PITPNM2: variants seen among roughly 807,000 people sequenced by gnomAD.
PITPNM2 encodes phosphatidylinositol transfer protein membrane associated 2.
Under a neutral mutation model 132.2 loss-of-function variants are expected in PITPNM2, and 35 were observed. The observed-to-expected ratio is 0.26, with a 90% CI of 0.20 to 0.35. The LOEUF (loss-of-function observed/expected upper bound fraction) is 0.35. PITPNM2 is among the 10% of genes least tolerant of loss of function. PITPNM2 has a pLI of 1.00. For synonymous variants in PITPNM2, 738 were observed against 799.2 expected, an observed-to-expected ratio of 0.92 and a Z score of 1.29; for missense variants, 1,332 against 1,912.0, an observed-to-expected ratio of 0.70 and a Z score of 5.66.
intron 2 of PITPNM2, among the ~76,000 whole-genome samples, chr12:123,063,429 G>T (rs2041313772): frequency 6.6e-6 from 1 of 152,210 alleles, no homozygotes; most frequent in African/African-American, 2.4e-5. Flanking sequence ...AGCCCCCAGG[G>T]CTTGGCACAC....
intron 2 of PITPNM2, among the ~76,000 whole-genome samples, chr12:123,066,573 C>T (rs1367231913): frequency 6.6e-6 from 1 of 152,162 alleles, no homozygotes; most frequent in African/African-American, 2.4e-5. Flanking sequence ...GACAGACAGA[C>T]TCCTCTCTGC....
intron 1 of PITPNM2, among the ~76,000 whole-genome samples, chr12:123,119,450 C>G (rs1446265273): frequency 6.6e-6 from 1 of 151,444 alleles, no homozygotes; most frequent in Non-Finnish European, 1.5e-5. Context: ...CTCCGCCTCC[C>G]AGCTTCACAA....
chr12:123,054,346 G>A (rs1221263607), intron 2 of PITPNM2, among the ~76,000 whole-genome samples: 1 of 152,172 alleles, frequency 6.6e-6, no homozygotes, highest in African/African-American at 2.4e-5. Context: ...AAAGGCATTT[G>A]TTTGCCTGCA....
chr12:123,071,260 T>C (rs1414852283), intron 2 of PITPNM2, among the ~76,000 whole-genome samples: 2 of 152,214 alleles, frequency 1.3e-5, no homozygotes, highest in Non-Finnish European at 2.9e-5. Context: ...TTCCAGCCCC[T>C]GCTCTTTCTG....
At chr12:123,134,834 G>C (rs891605524) in intron 1 of PITPNM2, among the ~76,000 whole-genome samples, 2 of 152,106 alleles carry the variant, frequency 1.3e-5, no homozygotes, top group East Asian at 1.9e-4. Flanking sequence ...GAGGAAATAA[G>C]GCCTCTGCGG....
At chr12:122,991,149 A>G (rs2038169402) in intron 16 of PITPNM2, among the ~76,000 whole-genome samples, 2 of 152,218 alleles carry the variant, frequency 1.3e-5, no homozygotes, top group Admixed American at 1.3e-4. Flanking sequence ...TGCCCTGCAC[A>G]TGCAGAGCAC....
intron 1 of PITPNM2, among the ~76,000 whole-genome samples, chr12:123,148,944 C>T (rs980562137): frequency 6.6e-6 from 1 of 152,076 alleles, no homozygotes; most frequent in African/African-American, 2.4e-5. Flanking sequence ...GGCATGGGAG[C>T]ACCATGCCTT....
At position 123,005,922 on chromosome 12, in the gene PITPNM2, A is replaced by T. The variant is rs1482900358; in HGVS notation, c.644-374T>A. 2 of 194,488 alleles carry T rather than the reference A, an allele frequency of 1.0e-5. No homozygotes were observed. The highest frequency in any genetic ancestry group is 4.8e-5 in the African/African-American group (2 of 41,742). 12.0% of individuals were successfully genotyped at this position (194,488 alleles called of 1,614,324 possible). A position where few individuals can be genotyped will look rare whatever the true frequency, so the allele number is the denominator to read the frequency against. ...AGATCAGCCTGGGCAACGAAACAAG[A>T]CCCTGTCTCTATAAAAAAAAAAAAA... On this transcript the variant is annotated intron_variant, in intron 6 of 25. Transcript: ENST00000320201. This position sits in a 1 kb window ranked among gnomAD's most constrained non-coding sequence, Gnocchi z 6.2.
chr12:123,005,592 G>C lies in PITPNM2; in HGVS notation c.644-44C>G. ...AGAGAGGGAGAGACGAGGGGAGGGA[G>C]GTCAGCGCAGGAGCCTGCACGGAAG... is the stretch of plus-strand genomic sequence containing the variant. On this transcript the variant is annotated intron_variant, in intron 6 of 25. Transcript: ENST00000320201. The surrounding 1 kb of genome is among the most constrained non-coding windows in gnomAD (Gnocchi z 6.2). The C allele has an allele frequency of 6.3e-7, 1 of 1,577,816 alleles. No homozygotes were observed. The highest frequency in any genetic ancestry group is 1.1e-5 in the South Asian group (1 of 87,786).
rs778289349 is a variant in PITPNM2, at chr12:122,986,261, C to T, written c.3816G>A (p.Ala1272=). Residue 1272 remains alanine, a synonymous_variant, in exon 26 of 26, where the codon GCG becomes GCA. Transcript: ENST00000320201. ...GCAGGCCGAAGCTGCCCTTGCGCAGCGCCATGCGGGTGGCCGTGTTGCGAG... is the reference window on the plus strand; with the variant it reads ...GCAGGCCGAAGCTGCCCTTGCGCAGTGCCATGCGGGTGGCCGTGTTGCGAG... ...RPARNTATRM[A]LRKGSFGLPG... is the part of the protein sequence containing the mutation. 6.1e-5 allele frequency: 97 copies of T among 1,581,358 alleles called. No homozygotes were observed. Among genetic ancestry groups the T allele is most frequent in the Non-Finnish European group, 7.9e-5 (92 of 1,168,584 alleles).
At position 122,993,243 on chromosome 12, in the gene PITPNM2, G is replaced by A. The variant is rs776923857; in HGVS notation, c.2234-574C>T. Among the ~76,000 whole-genome samples, 6 of 152,160 alleles carry A rather than the reference G, an allele frequency of 3.9e-5. No individual in the cohort carries two copies. The highest frequency in any genetic ancestry group is 1.2e-4 in the African/African-American group (5 of 41,434). ...AACCCCTTCCACCCCAGATCCCCCC[G>A]AAGCTCCAGCTCATCTTGCGGGAGC... is the stretch of plus-strand genomic sequence containing the variant. On this transcript the variant is annotated intron_variant, in intron 15 of 25. Coordinates refer to ENST00000320201, the MANE Select transcript of PITPNM2 (RefSeq NM_020845.3). The surrounding 1 kb of genome is among the most constrained non-coding windows in gnomAD (Gnocchi z 5.2).
chr12:123,119,791 CTTTCT>C (rs975048686), intron 1 of PITPNM2, among the ~76,000 whole-genome samples: 1 of 139,638 alleles, frequency 7.2e-6, no homozygotes, highest in African/African-American at 3.1e-5. Context: ...TTTTTCTTTT[CTTTCT>C]TTTTTTTTTT....
At chr12:123,132,525 T>TC (rs994921910) in intron 1 of PITPNM2, among the ~76,000 whole-genome samples, 1 of 150,846 alleles carries the variant, frequency 6.6e-6, no homozygotes, top group African/African-American at 2.5e-5. Context: ...CTTTCCCTTT[T>TC]TTTTTTTTTA....
At chr12:123,067,523 C>G (rs2136857786) in intron 2 of PITPNM2, among the ~76,000 whole-genome samples, 1 of 151,738 alleles carries the variant, frequency 6.6e-6, no homozygotes, top group Middle Eastern at 3.4e-3. Flanking sequence ...GGAGAGGACA[C>G]AGGAGACACA....
At position 123,064,512 on chromosome 12, in the gene PITPNM2, C is replaced by T. The variant is rs775193178; in HGVS notation, c.-95-29827G>A. ...CATCTTTCAACTGGCCCAAGCCCAT[C>T]GCGCACAGTCTGGCTCCTCTATCTT... is the stretch of plus-strand genomic sequence containing the variant. On this transcript the variant is annotated intron_variant, in intron 2 of 25. Coordinates refer to ENST00000320201, the MANE Select transcript of PITPNM2 (RefSeq NM_020845.3). This position sits in a 1 kb window ranked among gnomAD's most constrained non-coding sequence, Gnocchi z 4.0. 4.6e-5 allele frequency among the ~76,000 whole-genome samples: 7 copies of T among 152,218 alleles called. No individual in the cohort carries two copies. Among genetic ancestry groups the T allele is most frequent in the African/African-American group, 1.4e-4 (6 of 41,454 alleles).
chr12:123,033,676 C>T (rs2040170713), intron 3 of PITPNM2, among the ~76,000 whole-genome samples: 2 of 152,186 alleles, frequency 1.3e-5, no homozygotes, highest in South Asian at 4.1e-4. Context: ...CCTCATACGC[C>T]TTCCTGTCTG....
chr12:123,124,006 A>C (rs1387188459), intron 1 of PITPNM2, among the ~76,000 whole-genome samples: 1 of 151,702 alleles, frequency 6.6e-6, no homozygotes, highest in African/African-American at 2.4e-5. Context: ...CTGTAATCCC[A>C]CCACTTTGGG....
rs974084168 is a variant in PITPNM2 at position 122,994,652 on chromosome 12, G to A, written c.2233+149C>T. 24 of 882,510 alleles carry A rather than the reference G, an allele frequency of 2.7e-5. No individual in the cohort carries two copies. The Admixed American group carries it at 2.7e-4, about 10-fold the overall frequency. The allele number at this position is 882,510 out of a possible 1,614,324, so 54.7% of individuals were successfully genotyped here. A position where few individuals can be genotyped will look rare whatever the true frequency, so the allele number is the denominator to read the frequency against. On this transcript the variant is annotated intron_variant, in intron 15 of 25. Transcript: ENST00000320201. This position sits in a 1 kb window ranked among gnomAD's most constrained non-coding sequence, Gnocchi z 5.4. ...CTGAGCTGCTGAAGCAGGAGCAGAG[G>A]ATAGCAAGGGGCCCTTGGTGGGGAA...
At chr12:123,001,261 C>T in intron 8 of PITPNM2, 103 bp from the exon 9 acceptor site, 1 of 828,156 alleles carries the variant, frequency 1.2e-6, no homozygotes, top group Non-Finnish European at 2.1e-6. Flanking sequence ...CTGACCGTTC[C>T]TCAACAGGAC....
Sources: gnomAD v4.1 joint callset for allele counts (sites outside exome capture counted in the v4.1 genomes callset) on GRCh38, gnomAD v4.1.1 for gene constraint, Gnocchi (gnomAD v3.1) non-coding constraint, MANE v1.5 for transcripts, NCBI Gene and HGNC (gene_info 2026-07-23, HGNC 2026-07-21) for gene names.